Variants in NXPH1 observed in about 807,000 individuals in gnomAD.
NXPH1 encodes neurexophilin-1.
In NXPH1, 5 loss-of-function variants were observed where a neutral mutation model predicts 23.7. The observed-to-expected ratio is 0.21, with a 90% CI of 0.11 to 0.44. The LOEUF is 0.44. Among genes scored for constraint, NXPH1 ranks in the 20% least tolerant of loss-of-function variants. The pLI is 0.99. For synonymous variants in NXPH1, 144 were observed against 122.2 expected (o/e 1.18, Z -1.18); for missense variants, 324 against 321.6 (o/e 1.01, Z -0.06).
intron 2 of NXPH1, among the ~76,000 whole-genome samples, chr7:8,560,773 C>A (rs1818430620): frequency 6.6e-6 from 1 of 151,648 alleles, no homozygotes; most frequent in Non-Finnish European, 1.5e-5. Context: ...CTGCTTAGGT[C>A]AGGGGGCTTT....
At chr7:8,498,135 C>T (rs1584194324) in intron 2 of NXPH1, among the ~76,000 whole-genome samples, 1 of 151,744 alleles carries the variant, frequency 6.6e-6, no homozygotes, top group Non-Finnish European at 1.5e-5. Context: ...AACCATGAAG[C>T]ATTGTACACA....
At chr7:8,670,287 T>G (rs1820848880) in intron 2 of NXPH1, among the ~76,000 whole-genome samples, 1 of 152,210 alleles carries the variant, frequency 6.6e-6, no homozygotes, top group Non-Finnish European at 1.5e-5. Flanking sequence ...TCTGGAAAAT[T>G]TACTTTTCTG....
intron 2 of NXPH1, among the ~76,000 whole-genome samples, chr7:8,615,426 G>A (rs1029904830): frequency 1.3e-5 from 2 of 151,992 alleles, no homozygotes; most frequent in Non-Finnish European, 2.9e-5. Context: ...ATTTAAATGA[G>A]TACAGGGGAC....
At chr7:8,438,902 A>G (rs1816244785) in intron 2 of NXPH1, among the ~76,000 whole-genome samples, 1 of 152,206 alleles carries the variant, frequency 6.6e-6, no homozygotes. Context: ...ATGGGAAACT[A>G]ATTAGATATG....
chr7:8,446,537 G>A (rs1269402530), intron 2 of NXPH1, among the ~76,000 whole-genome samples: 4 of 152,194 alleles, frequency 2.6e-5, no homozygotes, highest in Non-Finnish European at 5.9e-5. Context: ...TAAAGGAATA[G>A]AGGTTTTGAT....
At chr7:8,669,682 C>T (rs1407739085) in intron 2 of NXPH1, among the ~76,000 whole-genome samples, 5 of 152,050 alleles carry the variant, frequency 3.3e-5, no homozygotes, top group Admixed American at 2.6e-4. Context: ...CTGGAGTGAG[C>T]CTGGTGTTGG....
At chr7:8,463,913 T>C (rs2040891) in intron 2 of NXPH1, among the ~76,000 whole-genome samples, 90,349 of 152,072 alleles carry the variant, frequency 0.59, 29,497 homozygotes, top group African/African-American at 0.87. Context: ...CTACTCCATA[T>C]TTGCATCTTT....
chr7:8,745,997 A>G (rs1780463892), intron 2 of NXPH1, among the ~76,000 whole-genome samples: 1 of 152,036 alleles, frequency 6.6e-6, no homozygotes, highest in Non-Finnish European at 1.5e-5. Flanking sequence ...TTTGACTATG[A>G]TTGCTGGAAT....
chr7:8,678,183 T>C (rs1035453309), intron 2 of NXPH1, among the ~76,000 whole-genome samples: 1 of 152,168 alleles, frequency 6.6e-6, no homozygotes, highest in African/African-American at 2.4e-5. Flanking sequence ...GCTAGTACAC[T>C]AGTACTATTG....
chr7:8,597,354 A>G (rs1057284208), intron 2 of NXPH1, among the ~76,000 whole-genome samples: 7 of 152,074 alleles, frequency 4.6e-5, no homozygotes, highest in African/African-American at 1.4e-4. Flanking sequence ...CTTCGGGTCC[A>G]GTGCTAGAAT....
chr7:8,435,465 T>C lies in NXPH1; in HGVS notation c.-110-139T>C. The stretch of plus-strand genomic sequence containing the variant: ...TGCTGGTCTCAGGCGCTGGATTTAC[T>C]CGCTTTTCAATTTTTCGTACCCTCC... On this transcript the variant is annotated intron_variant, in intron 1 of 2. Coordinates refer to ENST00000405863, the MANE Select transcript of NXPH1 (RefSeq NM_152745.3). The surrounding 1 kb of genome is among the most constrained non-coding windows in gnomAD (Gnocchi z 5.9). The C allele has an allele frequency of 1.8e-6, 1 of 563,670 alleles. No homozygotes were observed. The highest frequency in any genetic ancestry group is 3.2e-6 in the Non-Finnish European group (1 of 317,078). The allele number at this position is 563,670 out of a possible 1,614,324, so 34.9% of individuals were successfully genotyped here. A position where few individuals can be genotyped will look rare whatever the true frequency, so the allele number is the denominator to read the frequency against.
intron 2 of NXPH1, among the ~76,000 whole-genome samples, chr7:8,598,383 C>A (rs901016243): frequency 6.6e-6 from 1 of 152,116 alleles, no homozygotes; most frequent in African/African-American, 2.4e-5. Context: ...AGTATCCAAT[C>A]TTCTCTTTGG....
At chr7:8,612,288 T>C (rs537487766) in intron 2 of NXPH1, among the ~76,000 whole-genome samples, 1 of 151,840 alleles carries the variant, frequency 6.6e-6, no homozygotes, top group East Asian at 1.9e-4. Flanking sequence ...TTTTTTCTTT[T>C]TCTGCCTTTT....
intron 2 of NXPH1, among the ~76,000 whole-genome samples, chr7:8,489,956 C>T (rs1817221922): frequency 6.6e-6 from 1 of 152,052 alleles, no homozygotes; most frequent in Non-Finnish European, 1.5e-5. Context: ...AAATCTTACT[C>T]TATTGAGCCT....
chr7:8,504,251 A>T (rs1017243296), intron 2 of NXPH1, among the ~76,000 whole-genome samples: 12 of 151,744 alleles, frequency 7.9e-5, no homozygotes, highest in African/African-American at 2.9e-4. Flanking sequence ...ACTATTCTCA[A>T]CCTCCACCCT....
At chr7:8,596,101 G>C (rs1045775363) in intron 2 of NXPH1, among the ~76,000 whole-genome samples, 2 of 151,964 alleles carry the variant, frequency 1.3e-5, no homozygotes, top group Non-Finnish European at 2.9e-5. Context: ...TTTTCCTGGG[G>C]ATTTTGCATT....
At chr7:8,587,051 T>C (rs1818993729) in intron 2 of NXPH1, among the ~76,000 whole-genome samples, 1 of 152,184 alleles carries the variant, frequency 6.6e-6, no homozygotes, top group Non-Finnish European at 1.5e-5. Flanking sequence ...TTATATTCTC[T>C]ATTATTTTCA....
chr7:8,528,834 C>G (rs907255372), intron 2 of NXPH1, among the ~76,000 whole-genome samples: 2 of 152,200 alleles, frequency 1.3e-5, no homozygotes, highest in African/African-American at 2.4e-5. Context: ...TTCTATTGCT[C>G]TAATAACAAA....
intron 2 of NXPH1, among the ~76,000 whole-genome samples, chr7:8,451,949 A>G (rs930757228): frequency 1.3e-5 from 2 of 152,208 alleles, no homozygotes; most frequent in African/African-American, 4.8e-5. Context: ...GTCTCATGGA[A>G]CATAGCCCAA....
Sources: allele counts gnomAD v4.1 joint callset (sites outside exome capture counted in the v4.1 genomes callset), GRCh38; gene constraint gnomAD v4.1.1; non-coding constraint Gnocchi (gnomAD v3.1); transcripts MANE v1.5; gene names NCBI Gene and HGNC (gene_info 2026-07-23, HGNC 2026-07-21).